ZNF397: variants seen among roughly 807,000 people sequenced by gnomAD.
ZNF397 encodes the protein zinc finger and SCAN domain-containing protein 15.
Under a neutral mutation model 50.6 loss-of-function variants are expected in ZNF397, and 38 were observed. The observed-to-expected ratio is 0.75, with a 90% CI of 0.58 to 0.98. The LOEUF (loss-of-function observed/expected upper bound fraction) is 0.98, where lower values mean the gene tolerates loss of function less well. Ranked by LOEUF, ZNF397 falls within the 50% of genes least tolerant of loss-of-function variation. ZNF397 has a pLI of 0.00. For synonymous variants in ZNF397, 228 were observed against 215.2 expected, an observed-to-expected ratio of 1.06 and a Z score of -0.52; for missense variants, 624 against 624.1, an observed-to-expected ratio of 1.00 and a Z score of 0.00.
At chr18:35,253,373 ACTTTT>A (rs1370148723), downstream of ZNF397, 23 of 1,277,338 alleles carry the variant, frequency 1.8e-5, no homozygotes, top group East Asian at 4.3e-4. Context: ...CTCTCAGGAA[ACTTTT>A]CTTTTCTGTG....
Position 35,241,213 on chromosome 18 carries a change from C to T in ZNF397, c.-81+104C>T, listed in dbSNP as rs754513553. The T allele has an allele frequency of 5.9e-5, 9 of 152,218 alleles. 1 individual carries two copies. In the South Asian group the frequency reaches 6.2e-4, roughly 11 times the overall value. The allele number at this position is 152,218 out of a possible 1,614,324, so 9.4% of individuals were successfully genotyped here. ...GCCTGCCCATCCCCAGGTCGCGGCCCTTTGGCCCGCGCGGCGTCTCCAAGC... is the reference window on the plus strand; with the variant it reads ...GCCTGCCCATCCCCAGGTCGCGGCCTTTTGGCCCGCGCGGCGTCTCCAAGC... On this transcript the variant is annotated intron_variant, in intron 1 of 3. Coordinates refer to ENST00000330501, the MANE Select transcript of ZNF397 (RefSeq NM_001135178.3).
At chr18:35,253,574 G>A, downstream of ZNF397, 2 of 1,614,074 alleles carry the variant, frequency 1.2e-6, no homozygotes, top group Non-Finnish European at 1.7e-6. Flanking sequence ...GGTGAGGGCT[G>A]AGCTCTGATT....
Position 35,256,307 on chromosome 18 carries a change from C to T in ZNF397, c.818-1621C>T. ...GCACGGTGGCTCACACCTGTAATCC[C>T]AGCACTTTTGGAGGCTGAGGCAGGC... is the stretch of plus-strand genomic sequence containing the variant. On this transcript the variant is annotated intron_variant, in intron 5 of 5. Coordinates refer to the ZNF397 transcript ENST00000261333. 1.3e-5 allele frequency: 2 copies of T among 152,150 alleles called. 1 individual carries two copies. Among genetic ancestry groups the T allele is most frequent in the Non-Finnish European group, 2.9e-5 (2 of 68,080 alleles). 9.4% of individuals were successfully genotyped at this position (152,150 alleles called of 1,614,324 possible).
At chr18:35,259,002 G>A (rs1177713330), downstream of ZNF397, 1 of 152,836 alleles carries the variant, frequency 6.5e-6, no homozygotes, top group Non-Finnish European at 1.5e-5. Context: ...AAAGTTGGGA[G>A]TATTTCATAT....
At position 35,245,850 on chromosome 18, in the gene ZNF397, C is replaced by G. The variant is rs1419262511; in HGVS notation, c.1145C>G (p.Ser382Ter). Residue 382 changes from serine (S) to a stop codon, truncating the protein, a stop_gained, in exon 4 of 4, where the codon TCA (serine) becomes TGA (stop). Coordinates refer to ENST00000330501, the MANE Select transcript of ZNF397 (RefSeq NM_001135178.3). LOFTEE classifies it high-confidence loss of function. ...TGTGGCAAAGCATTCAGTCAAAGTTCATATCTCATTATACATCAAAGAATT... is the reference window on the plus strand; with the variant it reads ...TGTGGCAAAGCATTCAGTCAAAGTTGATATCTCATTATACATCAAAGAATT... ...NECGKAFSQS[S>*]YLIIHQRIHT... 1 of 1,553,230 alleles carries G rather than the reference C, an allele frequency of 6.4e-7. No individual in the cohort carries two copies. The highest frequency in any genetic ancestry group is 1.4e-5 in the African/African-American group (1 of 73,176).
chr18:35,253,744 G>C, downstream of ZNF397: 1 of 1,613,844 alleles, frequency 6.2e-7, no homozygotes, highest in Middle Eastern at 1.6e-4. Context: ...TAAGGGCTGA[G>C]CTCCGGCTGA....
In ZNF397 at chr18:35,247,876, G is replaced by A. The variant is rs1165643832; in HGVS notation, c.*1566G>A. The A allele has an allele frequency of 2.6e-5, 4 of 152,078 alleles. No individual in the cohort carries two copies. Among genetic ancestry groups the A allele is most frequent in the Non-Finnish European group, 4.4e-5 (3 of 68,038 alleles). 9.4% of individuals were successfully genotyped at this position (152,078 alleles called of 1,614,324 possible). A position where few individuals can be genotyped will look rare whatever the true frequency, so the allele number is the denominator to read the frequency against. ...GGAAAGACAGGGTTTCTCCATGTTG[G>A]TCAGGCTGGTCTCGAATTCTCGATC... On this transcript the variant is annotated 3_prime_UTR_variant, in exon 4 of 4. Transcript: ENST00000330501.
chr18:35,245,204 A>G (rs2043453040), intron 3 of ZNF397, 58 bp from the exon 4 acceptor site: 3 of 1,480,340 alleles, frequency 2.0e-6, no homozygotes, highest in Non-Finnish European at 2.7e-6. Flanking sequence ...TCATGTAGAA[A>G]GTTTTGACGG....
chr18:35,252,505 A>AT (rs1207849007), downstream of ZNF397: 1 of 152,100 alleles, frequency 6.6e-6, no homozygotes, highest in Admixed American at 6.6e-5. Context: ...CTTCAGATTC[A>AT]TTTTTTTAAA....
downstream of ZNF397, chr18:35,252,068 GCCCATCAT>G (rs1318183185): frequency 6.6e-6 from 1 of 152,166 alleles, no homozygotes; most frequent in Non-Finnish European, 1.5e-5. Context: ...TCTGGAGACA[GCCCATCAT>G]CAGGACTCTT....
At chr18:35,243,030 A>C in intron 2 of ZNF397, 122 bp from the exon 3 acceptor site, 2 of 1,512,602 alleles carry the variant, frequency 1.3e-6, no homozygotes, top group South Asian at 2.5e-5. Flanking sequence ...TATACCCTTG[A>C]ATGGTCTTTT....
In ZNF397 at chr18:35,246,632, G is replaced by A. The variant is rs1459295670; in HGVS notation, c.*322G>A. 2 of 1,063,388 alleles carry A rather than the reference G, an allele frequency of 1.9e-6. No individual in the cohort carries two copies. Among genetic ancestry groups the A allele is most frequent in the Non-Finnish European group, 2.3e-6 (2 of 879,150 alleles). 65.9% of individuals were successfully genotyped at this position (1,063,388 alleles called of 1,614,324 possible). ...TCATGAATATAGCAACCCAGGCTCT[G>A]TCACTGCATCTGATTGTTAGTGTGC... is the stretch of plus-strand genomic sequence containing the variant. On this transcript the variant is annotated 3_prime_UTR_variant, in exon 4 of 4. Transcript: ENST00000330501.
Position 35,245,974 on chromosome 18 carries a change from A to T in ZNF397, c.1269A>T (p.Arg423Ser). The T allele has an allele frequency of 6.3e-7, 1 of 1,582,556 alleles. No homozygotes were observed. Among genetic ancestry groups the T allele is most frequent in the Non-Finnish European group, 8.6e-7 (1 of 1,164,142 alleles). ...ATCAGCGAATTCACACAGGAGAGAG[A>T]CCCTATGAATGTAATGAATGTGGAA... ...IRHQRIHTGE[R>S]PYECNECGKA... is the part of the protein sequence containing the mutation. Residue 423 changes from arginine (R) to serine (S), a missense_variant, in exon 4 of 4, where the codon AGA becomes AGT. Physicochemically the swap from Arg to Ser is moderately radical, Grantham distance 110 (BLOSUM62 -1). Coordinates refer to ENST00000330501, the MANE Select transcript of ZNF397 (RefSeq NM_001135178.3).
At chr18:35,252,362 A>C (rs887281888), downstream of ZNF397, 1 of 152,194 alleles carries the variant, frequency 6.6e-6, no homozygotes, top group East Asian at 1.9e-4. Context: ...AGGCAGTGGG[A>C]AGTATAAAGG....
downstream of ZNF397, chr18:35,253,660 A>C (rs1457141277): frequency 1.4e-5 from 22 of 1,613,544 alleles, no homozygotes; most frequent in Non-Finnish European, 1.7e-5. Context: ...TAAGGATAGA[A>C]CTCCTACCAA....
At chr18:35,253,502 A>G, downstream of ZNF397, 1 of 1,610,196 alleles carries the variant, frequency 6.2e-7, no homozygotes, top group Middle Eastern at 1.7e-4. Context: ...CCTATGCCTA[A>G]ATGTTTTTCT....
chr18:35,255,218 T>TTA (rs2043760919), intron 5 of ZNF397, among the ~76,000 whole-genome samples: 1 of 151,182 alleles, frequency 6.6e-6, no homozygotes, highest in South Asian at 2.1e-4. Flanking sequence ...TAGTCTCCTG[T>TTA]TATGAGTTAC....
chr18:35,243,380 C>T, intron 3 of ZNF397, 87 bp downstream of exon 3: 1 of 1,586,682 alleles, frequency 6.3e-7, no homozygotes, highest in Non-Finnish European at 8.6e-7. Flanking sequence ...GACAAACTTG[C>T]CACATGTGAG....
intron 3 of ZNF397, chr18:35,243,665 C>G (rs1038783785): frequency 2.3e-4 from 109 of 463,876 alleles, no homozygotes; most frequent in Non-Finnish European, 3.8e-4. Flanking sequence ...TGGAGCACAT[C>G]TAAAGGCACC....
Sources: gnomAD v4.1 joint callset for allele counts (sites outside exome capture counted in the v4.1 genomes callset) on GRCh38, gnomAD v4.1.1 for gene constraint, MANE v1.5 for transcripts, NCBI Gene and HGNC (gene_info 2026-07-23, HGNC 2026-07-21) for gene names.